PTPRC: variants seen among roughly 807,000 people sequenced by gnomAD.
PTPRC encodes the protein receptor-type tyrosine-protein phosphatase C.
In PTPRC, 44 loss-of-function variants were observed where a neutral mutation model predicts 155.9. The ratio of observed to expected loss-of-function variants is 0.28; its 90% CI spans 0.22 to 0.36. The LOEUF (loss-of-function observed/expected upper bound fraction) is 0.36, where lower values mean the gene tolerates loss of function less well. Ranked by LOEUF, PTPRC falls within the 10% of genes least tolerant of loss-of-function variation. PTPRC has a pLI of 1.00. For synonymous variants in PTPRC, 525 were observed against 533.1 expected (o/e 0.98, Z 0.21); for missense variants, 1,401 against 1,564.6 (o/e 0.90, Z 1.76).
At position 198,752,360 on chromosome 1, in the gene PTPRC, A is replaced by ACCATTT. The variant is rs762735325; in HGVS notation, c.3319_3320insCCATTT (p.Arg1107delinsThrIleTer). ...TTATACCCTTCGTGTCTTTGAACTG[A>ACCATTT]GACATTCCAAGGTATGGAAACAATT... On this transcript the variant is annotated stop_gained and protein_altering_variant, in exon 30 of 33. Transcript: ENST00000442510. LOFTEE classifies it high-confidence loss of function. 56 of 1,612,626 alleles carry ACCATTT rather than the reference A, an allele frequency of 3.5e-5. No individual in the cohort carries two copies. Among genetic ancestry groups the ACCATTT allele is most frequent in the Non-Finnish European group, 4.6e-5 (54 of 1,179,242 alleles).
At chr1:198,715,314 G>A (rs1373793112) in intron 12 of PTPRC, among the ~76,000 whole-genome samples, 5 of 152,004 alleles carry the variant, frequency 3.3e-5, no homozygotes, top group Middle Eastern at 3.4e-3. Flanking sequence ...TAGTAGAGAC[G>A]GGGTTTCACT....
chr1:198,655,999 C>T (rs957819303), intron 2 of PTPRC, among the ~76,000 whole-genome samples: 1 of 151,980 alleles, frequency 6.6e-6, no homozygotes, highest in African/African-American at 2.4e-5. Context: ...CCATGAAGTT[C>T]GTTGGGTACT....
rs764296649 is a variant in PTPRC at position 198,716,695 on chromosome 1, C to T, written c.1305C>T (p.Leu435=). 13 of 1,611,708 alleles carry T rather than the reference C, an allele frequency of 8.1e-6. No individual in the cohort carries two copies. Among genetic ancestry groups the T allele is most frequent in the Non-Finnish European group, 1.0e-5 (12 of 1,179,652 alleles). ...CYIKETEKDC[L]NLDKNLIKYD... Reference sequence around the variant, plus strand: ...ATTTTTCCTCAGAAAAAGATTGCCTCAATCTGGATAAAAACCTGATCAAAT... The same window carrying T: ...ATTTTTCCTCAGAAAAAGATTGCCTTAATCTGGATAAAAACCTGATCAAAT... The change falls in exon 13 of 33, where the codon CTC becomes CTT. Residue 435 remains leucine (L), a synonymous_variant. Coordinates refer to ENST00000442510, the MANE Select transcript of PTPRC (RefSeq NM_002838.5).
intron 5 of PTPRC, among the ~76,000 whole-genome samples, chr1:198,700,782 A>C (rs549206850): frequency 7.2e-5 from 11 of 152,362 alleles, no homozygotes; most frequent in African/African-American, 2.2e-4. Flanking sequence ...AAAATCTATT[A>C]GGATTAATCA....
At chr1:198,684,535 T>C (rs1041484385) in intron 2 of PTPRC, among the ~76,000 whole-genome samples, 10 of 151,968 alleles carry the variant, frequency 6.6e-5, no homozygotes, top group Admixed American at 5.9e-4. Context: ...TAAAAGTGTG[T>C]ATATAATTTG....
chr1:198,748,105 T>TTC lies in PTPRC; in HGVS notation c.2848-4_2848-3insTC, dbSNP rs398039045. The TTC allele has an allele frequency of 8.2e-6, 13 of 1,576,508 alleles. No homozygotes were observed. Among genetic ancestry groups the TTC allele is most frequent in the Non-Finnish European group, 1.1e-5 (13 of 1,165,370 alleles). Reference sequence around the variant, plus strand: ...AGTTTTTCTGTTTTTTTTTTTTTTTTCAGAGACTTCCTTCATATAGGAGCT... The same window carrying TTC: ...AGTTTTTCTGTTTTTTTTTTTTTTTTTCCAGAGACTTCCTTCATATAGGAGCT... On this transcript the variant is annotated splice_region_variant and splice_polypyrimidine_tract_variant and intron_variant, in intron 26 of 32. Transcript: ENST00000442510.
At chr1:198,661,888 C>A (rs1436041560) in intron 2 of PTPRC, among the ~76,000 whole-genome samples, 1 of 152,162 alleles carries the variant, frequency 6.6e-6, no homozygotes, top group African/African-American at 2.4e-5. Flanking sequence ...ATCTTGCTCC[C>A]TTCCCCACTA....
chr1:198,679,948 G>T, intron 2 of PTPRC: 1 of 623,910 alleles, frequency 1.6e-6, no homozygotes, highest in Non-Finnish European at 2.9e-6. Flanking sequence ...GTCCACCGTC[G>T]CCCTGGCGTA....
At chr1:198,731,805 G>C (rs752249636) in intron 18 of PTPRC, 79 bp downstream of exon 18, 1 of 1,148,250 alleles carries the variant, frequency 8.7e-7, no homozygotes. Flanking sequence ...ATTGCCATTT[G>C]CCTTTATAAT....
intron 2 of PTPRC, among the ~76,000 whole-genome samples, chr1:198,672,571 G>A (rs1664706342): frequency 6.6e-6 from 1 of 152,080 alleles, no homozygotes; most frequent in South Asian, 2.1e-4. Context: ...CAGGGTTCAA[G>A]CGACTCTCCT....
At chr1:198,663,359 T>C (rs891491686) in intron 2 of PTPRC, among the ~76,000 whole-genome samples, 2 of 152,220 alleles carry the variant, frequency 1.3e-5, no homozygotes, top group African/African-American at 4.8e-5. Flanking sequence ...AGGAGCACTT[T>C]TAGCTATAAG....
At position 198,642,904 on chromosome 1, in the gene PTPRC, CTTCCTTTCTTTCTTT is replaced by C. The variant is rs1557960112; in HGVS notation, c.73+3564_73+3578del. 7.6e-3 allele frequency among the ~76,000 whole-genome samples: 1,085 copies of C among 143,538 alleles called. 14 individuals carry two copies. The highest frequency in any genetic ancestry group is 0.012 in the East Asian group (58 of 4,896). 94.2% of individuals were successfully genotyped at this position (143,538 alleles called of 152,430 possible). On this transcript the variant is annotated intron_variant, in intron 2 of 32. Coordinates refer to ENST00000442510, the MANE Select transcript of PTPRC (RefSeq NM_002838.5). ...GGGATCTTTTTTCTTTTCTTTCTTT[CTTCCTTTCTTTCTTT>C]CTTTCTTTCTTTCTTTCTTTCTTTC... is the stretch of plus-strand genomic sequence containing the variant.
intron 2 of PTPRC, among the ~76,000 whole-genome samples, chr1:198,644,424 A>C (rs1662822361): frequency 1.3e-5 from 2 of 151,880 alleles, no homozygotes; most frequent in Non-Finnish European, 2.9e-5. Flanking sequence ...CAGGAATAAA[A>C]ATTATGGCAA....
chr1:198,675,425 GATA>G (rs1332486387), intron 2 of PTPRC, among the ~76,000 whole-genome samples: 1 of 152,032 alleles, frequency 6.6e-6, no homozygotes, highest in Non-Finnish European at 1.5e-5. Context: ...ATATGCCAAT[GATA>G]ATATCTCATT....
chr1:198,670,065 CT>C (rs900246300), intron 2 of PTPRC, among the ~76,000 whole-genome samples: 5 of 152,176 alleles, frequency 3.3e-5, no homozygotes, highest in Admixed American at 3.3e-4. Context: ...TTACTAGCTT[CT>C]TTTTTGTATT....
Position 198,696,754 on chromosome 1 carries a change from A to G in PTPRC, c.143A>G (p.Asp48Gly). Reference protein sequence around the residue: ...AKMPSVPLSSDPLPTHTTAFS... With the variant: ...AKMPSVPLSSGPLPTHTTAFS... ...ATGCCCAGTGTTCCACTTTCAAGTG[A>G]CCCCTTACCTACTCACACCACTGCA... is the stretch of plus-strand genomic sequence containing the variant. Residue 48 changes from aspartate to glycine, a missense_variant, in exon 4 of 33, where the codon GAC becomes GGC. Transcript: ENST00000442510. 6.2e-7 allele frequency: 1 copy of G among 1,614,082 alleles called. No homozygotes were observed. Among genetic ancestry groups the G allele is most frequent in the East Asian group, 2.2e-5 (1 of 44,870 alleles).
chr1:198,679,396 A>ATTTTTTTT (rs34684883), intron 2 of PTPRC, among the ~76,000 whole-genome samples: 5 of 109,984 alleles, frequency 4.5e-5, no homozygotes, highest in African/African-American at 1.1e-4. Context: ...ACGCCCAGCT[A>ATTTTTTTT]TTTTTTTTTT....
intron 3 of PTPRC, 148 bp from the exon 4 acceptor site, chr1:198,696,564 T>G: frequency 1.4e-6 from 1 of 722,194 alleles, no homozygotes; most frequent in East Asian, 2.5e-5. Flanking sequence ...ATACATACAC[T>G]TATGTATGGT....
Position 198,639,308 on chromosome 1 carries a change from T to C in PTPRC, c.40T>C (p.Phe14Leu). The C allele has an allele frequency of 6.2e-7, 1 of 1,613,416 alleles. No homozygotes were observed. The highest frequency in any genetic ancestry group is 8.5e-7 in the Non-Finnish European group (1 of 1,179,444). ...YLWLKLLAFG[F>L]AFLDTEVFVT... The stretch of plus-strand genomic sequence containing the variant: ...GTGGCTTAAACTCTTGGCATTTGGC[T>C]TTGCCTTTCTGGACACAGAAGTATT... The change falls in exon 2 of 33, where the codon TTT becomes CTT. Residue 14 changes from phenylalanine (F) to leucine (L), a missense_variant. By Grantham distance (22) the Phe-to-Leu change is conservative. This residue lies in a region of PTPRC where 867 missense variants were observed against 970.4 expected (regional missense o/e 0.89). Coordinates refer to ENST00000442510, the MANE Select transcript of PTPRC (RefSeq NM_002838.5).
Sources: gnomAD v4.1 joint callset for allele counts (sites outside exome capture counted in the v4.1 genomes callset) on GRCh38, gnomAD v4.1.1 for gene constraint, gnomAD v4.1.1 regional missense constraint, MANE v1.5 for transcripts, NCBI Gene and HGNC (gene_info 2026-07-23, HGNC 2026-07-21) for gene names.